SNX25: variants seen among roughly 807,000 people sequenced by gnomAD.
SNX25 encodes the protein sorting nexin 25.
Under a neutral mutation model 113.7 loss-of-function variants are expected in SNX25, and 62 were observed. The observed-to-expected ratio is 0.55, with a 90% CI of 0.44 to 0.67. The LOEUF (loss-of-function observed/expected upper bound fraction) is 0.67. Among genes scored for constraint, SNX25 ranks in the 30% least tolerant of loss-of-function variants. SNX25 has a pLI of 0.00. For missense variants in SNX25, 1,014 were observed against 1,161.0 expected (o/e 0.87, Z 1.84); for synonymous variants, 421 against 436.2 (o/e 0.97, Z 0.43).
At chr4:185,253,220 G>A (rs1335780701) in intron 2 of SNX25, among the ~76,000 whole-genome samples, 2 of 152,110 alleles carry the variant, frequency 1.3e-5, no homozygotes, top group African/African-American at 4.8e-5. Flanking sequence ...GTTCAGTGGT[G>A]TGTTCAATGT....
Position 185,258,984 on chromosome 4 carries a change from G to C in SNX25, c.651G>C (p.Val217=). 6.2e-7 allele frequency: 1 copy of C among 1,614,160 alleles called. No homozygotes were observed. The highest frequency in any genetic ancestry group is 8.5e-7 in the Non-Finnish European group (1 of 1,180,024). Residue 217 remains valine (V), a synonymous_variant, in exon 3 of 19, where the codon GTG becomes GTC. Coordinates refer to ENST00000652585, the MANE Select transcript of SNX25 (RefSeq NM_001378034.2). ...ARQLHHRLSH[V]DVVKVVCNDV... is the part of the protein sequence containing the mutation. ...AGCTGCACCACAGACTGAGTCACGT[G>C]GATGTGGTTAAAGTTGTCTGCAATG...
chr4:185,306,135 A>G (rs894667637), intron 6 of SNX25, among the ~76,000 whole-genome samples: 3 of 152,202 alleles, frequency 2.0e-5, no homozygotes, highest in Non-Finnish European at 4.4e-5. Flanking sequence ...CTTGATGTGA[A>G]TATTTCTTGG....
intron 6 of SNX25, among the ~76,000 whole-genome samples, chr4:185,293,574 C>A (rs1752460016): frequency 6.6e-6 from 1 of 152,054 alleles, no homozygotes; most frequent in Non-Finnish European, 1.5e-5. Flanking sequence ...AGGTCACTTT[C>A]CAGTGTATGT....
Position 185,339,378 on chromosome 4 carries a change from G to C in SNX25, c.1915-1G>C. On this transcript the variant is annotated splice_acceptor_variant, in intron 10 of 18. Transcript: ENST00000652585. LOFTEE classifies it high-confidence loss of function. Reference sequence around the variant, plus strand: ...CTCCCAGGATATTTTCCCTGTGGCAGATTGTTTCCAAGTTGAAGGATGAAA... The same window carrying C: ...CTCCCAGGATATTTTCCCTGTGGCACATTGTTTCCAAGTTGAAGGATGAAA... The C allele has an allele frequency of 6.2e-7, 1 of 1,613,682 alleles. No homozygotes were observed. Among genetic ancestry groups the C allele is most frequent in the Non-Finnish European group, 8.5e-7 (1 of 1,179,770 alleles).
In SNX25 at chr4:185,332,699, A is replaced by T. The variant is rs1337013063; in HGVS notation, c.1854A>T (p.Lys618Asn). 5 of 1,614,102 alleles carry T rather than the reference A, an allele frequency of 3.1e-6. No individual in the cohort carries two copies. In the South Asian group the frequency reaches 5.5e-5, roughly 18 times the overall value. Residue 618 changes from lysine (K) to asparagine (N), a missense_variant, in exon 10 of 19, where the codon AAA becomes AAT. Transcript: ENST00000652585. The part of the protein sequence containing the change: ...AVNKLRELNE[K>N]LEYKRQALNS... ...ACAAACTGCGAGAACTAAATGAGAA[A>T]CTTGAATATAAAAGGCAAGCTCTAA...
At chr4:185,359,124 G>A (rs111630698) in intron 16 of SNX25, among the ~76,000 whole-genome samples, 13 of 152,238 alleles carry the variant, frequency 8.5e-5, no homozygotes, top group Non-Finnish European at 1.6e-4. Context: ...AGGCTGAGAC[G>A]GGCATATTGC....
At chr4:185,374,866 A>C (rs908938298), downstream of SNX25, among the ~76,000 whole-genome samples, 1 of 152,138 alleles carries the variant, frequency 6.6e-6, no homozygotes. Flanking sequence ...TTCTTACGAT[A>C]CACTTGCGAG....
At chr4:185,299,494 C>T (rs773120677) in intron 6 of SNX25, among the ~76,000 whole-genome samples, 6 of 151,012 alleles carry the variant, frequency 4.0e-5, no homozygotes, top group Non-Finnish European at 5.9e-5. Flanking sequence ...ATCTCGAGTG[C>T]GCCCCAGAGT....
At chr4:185,357,950 CTTGAGCTACT>C (rs1027857413) in intron 16 of SNX25, among the ~76,000 whole-genome samples, 7 of 152,178 alleles carry the variant, frequency 4.6e-5, no homozygotes, top group Non-Finnish European at 8.8e-5. Context: ...ATAAGAAAAG[CTTGAGCTACT>C]TCCACACTCT....
intron 9 of SNX25, among the ~76,000 whole-genome samples, chr4:185,331,251 G>A (rs112284911): frequency 7.2e-5 from 11 of 152,272 alleles, no homozygotes; most frequent in African/African-American, 2.4e-4. Flanking sequence ...TAGCAATGAA[G>A]CAGAATCAAC....
chr4:185,310,522 T>A, intron 6 of SNX25, 113 bp from the exon 7 acceptor site: 1 of 737,700 alleles, frequency 1.4e-6, no homozygotes, highest in East Asian at 2.8e-5. Flanking sequence ...GTTATTTTGT[T>A]TAGTATCCAC....
chr4:185,336,767 C>T (rs1349748993), intron 10 of SNX25, among the ~76,000 whole-genome samples: 1 of 152,178 alleles, frequency 6.6e-6, no homozygotes, highest in Non-Finnish European at 1.5e-5. Flanking sequence ...TACTAGTTTA[C>T]GTTCCCACCA....
At position 185,363,556 on chromosome 4, in the gene SNX25, G is replaced by A. The variant is rs530460855; in HGVS notation, c.*91G>A. The A allele has an allele frequency of 1.6e-5, 19 of 1,216,792 alleles. No homozygotes were observed. In the African/African-American group the frequency reaches 2.3e-4, roughly 14 times the overall value. 75.4% of individuals were successfully genotyped at this position (1,216,792 alleles called of 1,614,324 possible). A position where few individuals can be genotyped will look rare whatever the true frequency, so the allele number is the denominator to read the frequency against. On this transcript the variant is annotated 3_prime_UTR_variant, in exon 19 of 19. Coordinates refer to ENST00000652585, the MANE Select transcript of SNX25 (RefSeq NM_001378034.2). The surrounding 1 kb of genome is among the most constrained non-coding windows in gnomAD (Gnocchi z 4.2). ...TCCACAGAGGGCTTAACTGAGAACC[G>A]TATTGATTTTTATTTTAGTTACCTC...
At chr4:185,362,524 G>A in intron 17 of SNX25, 87 bp from the exon 18 acceptor site, 1 of 1,297,254 alleles carries the variant, frequency 7.7e-7, no homozygotes, top group Non-Finnish European at 1.1e-6. Flanking sequence ...TTGACTGAAG[G>A]TGTATAATGT....
At chr4:185,249,979 A>C (rs1005276160) in intron 2 of SNX25, among the ~76,000 whole-genome samples, 2 of 152,022 alleles carry the variant, frequency 1.3e-5, no homozygotes, top group Non-Finnish European at 2.9e-5. Flanking sequence ...ACTAGATGTC[A>C]CTTTTTGGGG....
downstream of SNX25, among the ~76,000 whole-genome samples, chr4:185,374,928 A>G (rs910084383): frequency 2.0e-5 from 3 of 152,094 alleles, no homozygotes; most frequent in African/African-American, 7.2e-5. Flanking sequence ...GTGTGCTCAT[A>G]GTTTGTATCT....
At chr4:185,377,941 C>G in the SNX25 span, 13 of 668,404 alleles carry the variant, frequency 1.9e-5, no homozygotes, top group Non-Finnish European at 2.7e-5. Context: ...CAGATTCTTG[C>G]GGGAAAACTC....
intron 6 of SNX25, among the ~76,000 whole-genome samples, chr4:185,290,995 G>A (rs1206113112): frequency 3.3e-5 from 5 of 152,202 alleles, no homozygotes; most frequent in Non-Finnish European, 2.9e-5. Context: ...GCTGTACACA[G>A]TTAAACAGTG....
intron 1 of SNX25, among the ~76,000 whole-genome samples, chr4:185,224,430 A>AATATATAGATATATAAATAT (rs1304925783): frequency 5.1e-5 from 5 of 98,774 alleles, no homozygotes; most frequent in Non-Finnish European, 8.7e-5. Context: ...AATATATAAA[A>AATATATAGATATATAAATAT]ATATATAGAT....
Sources: allele counts gnomAD v4.1 joint callset (sites outside exome capture counted in the v4.1 genomes callset), GRCh38; gene constraint gnomAD v4.1.1; non-coding constraint Gnocchi (gnomAD v3.1); transcripts MANE v1.5; gene names NCBI Gene and HGNC (gene_info 2026-07-23, HGNC 2026-07-21).